DNAJC17: variants seen among roughly 807,000 people sequenced by gnomAD.
DNAJC17 encodes dnaJ homolog subfamily C member 17.
In DNAJC17, 35 loss-of-function variants were observed where a neutral mutation model predicts 48.1. The ratio of observed to expected loss-of-function variants is 0.73; its 90% CI spans 0.56 to 0.96. DNAJC17 has a LOEUF of 0.96. Among genes scored for constraint, DNAJC17 ranks in the 50% least tolerant of loss-of-function variants. The pLI is 0.00. For missense variants in DNAJC17, 355 were observed against 377.1 expected (o/e 0.94, Z 0.48); for synonymous variants, 117 against 142.7 (o/e 0.82, Z 1.28).
chr15:40,768,104 G>T, intron 10 of DNAJC17, 42 bp from the exon 11 acceptor site: 1 of 1,504,336 alleles, frequency 6.6e-7, no homozygotes, highest in South Asian at 1.3e-5. Flanking sequence ...AGGGACAGCA[G>T]GGCACAGCCT....
At position 40,767,137 on chromosome 15, in the gene DNAJC17, G is replaced by A; in HGVS notation, c.*803C>T. 1.5e-6 allele frequency: 2 copies of A among 1,356,664 alleles called. No individual in the cohort carries two copies. Among genetic ancestry groups the A allele is most frequent in the Non-Finnish European group, 1.9e-6 (2 of 1,028,948 alleles). 84.0% of individuals were successfully genotyped at this position (1,356,664 alleles called of 1,614,324 possible). A position where few individuals can be genotyped will look rare whatever the true frequency, so the allele number is the denominator to read the frequency against. On this transcript the variant is annotated 3_prime_UTR_variant, in exon 11 of 11. Transcript: ENST00000220496. ...CCAGCAAGTGTGAGTCACTACAAGA[G>A]TGGCCAGGCTGCCTGCTGCAGACAC... is the stretch of plus-strand genomic sequence containing the variant.
Position 40,767,429 on chromosome 15 carries a change from C to A in DNAJC17, c.*511G>T. The A allele has an allele frequency of 6.9e-7, 1 of 1,442,206 alleles. No individual in the cohort carries two copies. 89.3% of individuals were successfully genotyped at this position (1,442,206 alleles called of 1,614,324 possible). A position where few individuals can be genotyped will look rare whatever the true frequency, so the allele number is the denominator to read the frequency against. ...CCTGACCTCCAAGCTCCTGCCTCAC[C>A]GTCTGCCTTGCTCCTCTCTTCCCAA... On this transcript the variant is annotated 3_prime_UTR_variant, in exon 11 of 11. Coordinates refer to ENST00000220496, the MANE Select transcript of DNAJC17 (RefSeq NM_018163.3).
Position 40,791,227 on chromosome 15 carries a change from T to C in DNAJC17, c.79-11230A>G, listed in dbSNP as rs1385419315. Among the ~76,000 whole-genome samples, 3 of 152,018 alleles carry C rather than the reference T, an allele frequency of 2.0e-5. No individual in the cohort carries two copies. The East Asian group carries it at 5.8e-4, about 29-fold the overall frequency. On this transcript the variant is annotated intron_variant, in intron 1 of 10. Transcript: ENST00000220496. ...AAATAATGTGGTAATATATTGAGGC[T>C]ACAAAAAAAATTTTAAAAAGCTGGG...
At chr15:40,772,067 G>C (rs945089745) in intron 10 of DNAJC17, 3 of 167,060 alleles carry the variant, frequency 1.8e-5, no homozygotes, top group Non-Finnish European at 1.5e-5. Flanking sequence ...TCGAAGAGAG[G>C]AGAACTGGAT....
At chr15:40,779,043 T>G (rs1470968352) in intron 4 of DNAJC17, 180 bp downstream of exon 4, 5 of 685,222 alleles carry the variant, frequency 7.3e-6, no homozygotes, top group Non-Finnish European at 1.3e-5. Flanking sequence ...TATTAAACCT[T>G]ATTATTGTTA....
At position 40,775,055 on chromosome 15, in the gene DNAJC17, G is replaced by A. The variant is rs61763052; in HGVS notation, c.576C>T (p.Asp192=). The change falls in exon 8 of 11, where the codon GAC becomes GAT. Residue 192 remains aspartate (D), a synonymous_variant. Coordinates refer to ENST00000220496, the MANE Select transcript of DNAJC17 (RefSeq NM_018163.3). ...EDESKGGYSK[D]VLLRLLQKYG... is the part of the protein sequence containing the mutation. ...CCTTCTGCAAAAGCCGTAGGAGGACGTCTTTGGAGTAGCCACCTTTTGACT... is the reference window on the plus strand; with the variant it reads ...CCTTCTGCAAAAGCCGTAGGAGGACATCTTTGGAGTAGCCACCTTTTGACT... 7.4e-3 allele frequency: 11,989 copies of A among 1,614,124 alleles called. 58 individuals are homozygous for A. Among genetic ancestry groups the A allele is most frequent in the Non-Finnish European group, 8.7e-3 (10,224 of 1,180,024 alleles).
intron 1 of DNAJC17, chr15:40,780,260 C>T (rs1188218125): frequency 1.6e-6 from 1 of 618,768 alleles, no homozygotes; most frequent in South Asian, 1.5e-5. Context: ...GCTGCTGCAA[C>T]AGGCAGGAGC....
chr15:40,768,097 G>T (rs1473054495), intron 10 of DNAJC17, 35 bp from the exon 11 acceptor site: 15 of 1,512,296 alleles, frequency 9.9e-6, no homozygotes, highest in African/African-American at 1.4e-5. Context: ...AGGGGTCAGG[G>T]ACAGCAGGGC....
intron 1 of DNAJC17, among the ~76,000 whole-genome samples, chr15:40,796,532 T>C (rs973262003): frequency 1.3e-5 from 2 of 152,100 alleles, no homozygotes; most frequent in African/African-American, 4.8e-5. Flanking sequence ...TAGGTGAGTT[T>C]GAAAAAAATC....
intron 1 of DNAJC17, among the ~76,000 whole-genome samples, chr15:40,799,761 A>G (rs1164846874): frequency 6.6e-6 from 1 of 152,156 alleles, no homozygotes; most frequent in Non-Finnish European, 1.5e-5. Context: ...AGGACTCACC[A>G]TACCATCTTA....
chr15:40,769,501 G>T lies in DNAJC17; in HGVS notation c.793-1439C>A, dbSNP rs886732853. 1.3e-5 allele frequency among the ~76,000 whole-genome samples: 2 copies of T among 152,242 alleles called. No homozygotes were observed. The highest frequency in any genetic ancestry group is 2.9e-5 in the Non-Finnish European group (2 of 68,040). The stretch of plus-strand genomic sequence containing the variant: ...TGGAGCCACCCTTGGCGGGCCCCCA[G>T]CCCAACCCTGGGCAGCAGAGCCCGC... On this transcript the variant is annotated intron_variant, in intron 10 of 10. Coordinates refer to ENST00000220496, the MANE Select transcript of DNAJC17 (RefSeq NM_018163.3). The surrounding 1 kb of genome is among the most constrained non-coding windows in gnomAD (Gnocchi z 4.2).
rs553001662 is a variant in DNAJC17 at position 40,769,641 on chromosome 15, C to T, written c.793-1579G>A. Reference sequence around the variant, plus strand: ...CACCCATACCAGCTACAGGTCTCTTCCTTCCCCAACAATCGTTCCACACGC... The same window carrying T: ...CACCCATACCAGCTACAGGTCTCTTTCTTCCCCAACAATCGTTCCACACGC... On this transcript the variant is annotated intron_variant, in intron 10 of 10. Coordinates refer to ENST00000220496, the MANE Select transcript of DNAJC17 (RefSeq NM_018163.3). This position sits in a 1 kb window ranked among gnomAD's most constrained non-coding sequence, Gnocchi z 4.2. Among the ~76,000 whole-genome samples, 1 of 152,368 alleles carries T rather than the reference C, an allele frequency of 6.6e-6. No individual in the cohort carries two copies. Among genetic ancestry groups the T allele is most frequent in the East Asian group, 1.9e-4 (1 of 5,186 alleles).
intron 1 of DNAJC17, among the ~76,000 whole-genome samples, chr15:40,793,213 C>T (rs938221416): frequency 4.6e-5 from 7 of 152,128 alleles, no homozygotes; most frequent in African/African-American, 1.7e-4. Flanking sequence ...CTTCTAACTG[C>T]TGCAATATAT....
At chr15:40,776,368 G>A (rs1203067824) in intron 5 of DNAJC17, 76 bp from the exon 6 acceptor site, 1 of 1,523,204 alleles carries the variant, frequency 6.6e-7, no homozygotes, top group East Asian at 2.3e-5. Context: ...AAAAGTCCTT[G>A]GGAGCTTCCA....
Position 40,767,374 on chromosome 15 carries a change from G to C in DNAJC17, c.*566C>G. On this transcript the variant is annotated 3_prime_UTR_variant, in exon 11 of 11. Transcript: ENST00000220496. Reference sequence around the variant, plus strand: ...ACCTTCTCATGCTGATTTGCAGACGGGGCACCCCTGTGGAGGGGCTGCTGT... The same window carrying C: ...ACCTTCTCATGCTGATTTGCAGACGCGGCACCCCTGTGGAGGGGCTGCTGT... The C allele has an allele frequency of 6.3e-7, 1 of 1,585,668 alleles. No individual in the cohort carries two copies. Among genetic ancestry groups the C allele is most frequent in the East Asian group, 2.4e-5 (1 of 42,398 alleles).
intron 5 of DNAJC17, 75 bp from the exon 6 acceptor site, chr15:40,776,367 T>C (rs1324393018): frequency 1.3e-6 from 2 of 1,529,460 alleles, no homozygotes; most frequent in East Asian, 2.3e-5. Context: ...AAAAAGTCCT[T>C]GGGAGCTTCC....
At chr15:40,805,956 T>G (rs1446194824) in intron 1 of DNAJC17, among the ~76,000 whole-genome samples, 2 of 152,066 alleles carry the variant, frequency 1.3e-5, no homozygotes, top group East Asian at 3.8e-4. Context: ...ATTATACAGA[T>G]GTTAGGAATT....
intron 1 of DNAJC17, among the ~76,000 whole-genome samples, chr15:40,781,989 TGAGGCGAGAGGATCGCTTGAGCCCA>T (rs1889508956): frequency 6.6e-6 from 1 of 152,064 alleles, no homozygotes; most frequent in South Asian, 2.1e-4. Context: ...CTCAGGCGGT[TGAGGCGAGAGGATCGCTTGAGCCCA>T]GGAGTTCCAG....
Position 40,770,661 on chromosome 15 carries a change from C to G in DNAJC17, c.793-2599G>C. The G allele has an allele frequency of 6.5e-7, 1 of 1,549,692 alleles. No homozygotes were observed. Among genetic ancestry groups the G allele is most frequent in the Non-Finnish European group, 8.7e-7 (1 of 1,146,960 alleles). On this transcript the variant is annotated intron_variant, in intron 10 of 10. Coordinates refer to ENST00000220496, the MANE Select transcript of DNAJC17 (RefSeq NM_018163.3). This position sits in a 1 kb window ranked among gnomAD's most constrained non-coding sequence, Gnocchi z 5.0. ...CAACCGAGAAGTCATCCGGGAGCTA[C>G]AAGGGAGGCCAGATGGCCGGCGCCT...
Sources: allele counts gnomAD v4.1 joint callset (sites outside exome capture counted in the v4.1 genomes callset), GRCh38; gene constraint gnomAD v4.1.1; non-coding constraint Gnocchi (gnomAD v3.1); transcripts MANE v1.5; gene names NCBI Gene and HGNC (gene_info 2026-07-23, HGNC 2026-07-21).